Variants in ZSCAN2 observed in about 807,000 individuals in gnomAD.
The protein encoded by ZSCAN2 is zinc finger and SCAN domain containing 2, also known as zinc finger and SCAN domain-containing protein 2.
ZSCAN2 carries 26 observed loss-of-function variants against 47.8 expected under a neutral mutation model. The observed-to-expected ratio is 0.54, with a 90% CI of 0.40 to 0.75. ZSCAN2 has a LOEUF of 0.75. Ranked by LOEUF, ZSCAN2 falls within the 30% of genes least tolerant of loss-of-function variation. The pLI is 0.00. For missense variants in ZSCAN2, 732 were observed against 785.4 expected (o/e 0.93, Z 0.81); for synonymous variants, 305 against 288.7 (o/e 1.06, Z -0.57).
In ZSCAN2 at chr15:84,621,792, C is replaced by T. The variant is rs1345773524; in HGVS notation, c.1597C>T (p.Leu533Phe). Reference protein sequence around the residue: ...THTGEKPYKCLMCGKSFSRGS... With the variant: ...THTGEKPYKCFMCGKSFSRGS... ...CACGGGCGAGAAGCCCTACAAATGC[C>T]TCATGTGCGGCAAGAGCTTCAGCCG... Residue 533 changes from leucine to phenylalanine, a missense_variant, in exon 3 of 3, where the codon CTC (leucine) becomes TTC (phenylalanine). Physicochemically the swap from Leu to Phe is conservative, Grantham distance 22 (BLOSUM62 0). Around this residue, in one of 2 missense-constraint regions of ZSCAN2, gnomAD observed 412 missense variants for 498.0 expected, o/e 0.83. Coordinates refer to ENST00000546148, the MANE Select transcript of ZSCAN2 (RefSeq NM_181877.4). This position sits in a 1 kb window ranked among gnomAD's most constrained non-coding sequence, Gnocchi z 5.7. 2 of 1,614,114 alleles carry T rather than the reference C, an allele frequency of 1.2e-6. No individual in the cohort carries two copies. Among genetic ancestry groups the T allele is most frequent in the East Asian group, 4.5e-5 (2 of 44,898 alleles).
In ZSCAN2 at chr15:84,622,749, A is replaced by G. The variant is rs1293929031; in HGVS notation, c.*709A>G. Reference sequence around the variant, plus strand: ...GGACAGGGCCTTCAGGAAAGGGGTAAACCGAGGACATTTCAGTGCTTGCTT... The same window carrying G: ...GGACAGGGCCTTCAGGAAAGGGGTAGACCGAGGACATTTCAGTGCTTGCTT... On this transcript the variant is annotated 3_prime_UTR_variant, in exon 3 of 3. Coordinates refer to ENST00000546148, the MANE Select transcript of ZSCAN2 (RefSeq NM_181877.4). The G allele has an allele frequency of 5.6e-6, 4 of 709,638 alleles. No individual in the cohort carries two copies. The highest frequency in any genetic ancestry group is 4.1e-5 in the Admixed American group (2 of 48,490). The allele number at this position is 709,638 out of a possible 1,614,324, so 44.0% of individuals were successfully genotyped here.
chr15:84,618,092 T>C (rs1229971382), intron 2 of ZSCAN2, among the ~76,000 whole-genome samples: 2 of 152,164 alleles, frequency 1.3e-5, no homozygotes, highest in Non-Finnish European at 2.9e-5. Flanking sequence ...GCATCTAACC[T>C]TAAATAAAGT....
At position 84,622,606 on chromosome 15, in the gene ZSCAN2, G is replaced by C. The variant is rs1208002580; in HGVS notation, c.*566G>C. The C allele has an allele frequency of 1.4e-6, 1 of 717,438 alleles. No individual in the cohort carries two copies. Among genetic ancestry groups the C allele is most frequent in the Admixed American group, 2.0e-5 (1 of 50,004 alleles). The allele number at this position is 717,438 out of a possible 1,614,324, so 44.4% of individuals were successfully genotyped here. ...AAGATGGAGGGGCTTCTCCAGTTCT[G>C]AGTCACCCACGTGAAGGTAAAGACC... On this transcript the variant is annotated 3_prime_UTR_variant, in exon 3 of 3. Coordinates refer to ENST00000546148, the MANE Select transcript of ZSCAN2 (RefSeq NM_181877.4).
At chr15:84,604,943 C>T (rs751183318) in intron 2 of ZSCAN2, among the ~76,000 whole-genome samples, 3 of 151,826 alleles carry the variant, frequency 2.0e-5, no homozygotes, top group Non-Finnish European at 2.9e-5. Flanking sequence ...TCACCATGTT[C>T]GCCAGACTGG....
Position 84,609,585 on chromosome 15 carries a change from T to C in ZSCAN2, c.406+5252T>C, listed in dbSNP as rs1895486073. On this transcript the variant is annotated intron_variant, in intron 2 of 2. Coordinates refer to ENST00000546148, the MANE Select transcript of ZSCAN2 (RefSeq NM_181877.4). Reference sequence around the variant, plus strand: ...ATACCTATGAAATGTTTAGCATTCATGTATTTCACCTGATAACAGTCCATT... The same window carrying C: ...ATACCTATGAAATGTTTAGCATTCACGTATTTCACCTGATAACAGTCCATT... Among the ~76,000 whole-genome samples, 2 of 152,232 alleles carry C rather than the reference T, an allele frequency of 1.3e-5. 1 individual carries two copies. Among genetic ancestry groups the C allele is most frequent in the South Asian group, 4.1e-4 (2 of 4,830 alleles).
rs199923418 is a variant in ZSCAN2 at position 84,604,100 on chromosome 15, A to T, written c.173A>T (p.Gln58Leu). 1.2e-6 allele frequency: 2 copies of T among 1,614,126 alleles called. No individual in the cohort carries two copies. Among genetic ancestry groups the T allele is most frequent in the Non-Finnish European group, 1.7e-6 (2 of 1,179,996 alleles). ...GGCCCTGAGTCTGAGCCCTTTCCCC[A>T]GAGTGCTGGCAAGGGCGGCCCCCAG... is the stretch of plus-strand genomic sequence containing the variant. The part of the protein sequence containing the change: ...EDGPESEPFP[Q>L]SAGKGGPQEE... Residue 58 changes from glutamine (Q) to leucine (L), a missense_variant, in exon 2 of 3, where the codon CAG becomes CTG. Physicochemically the swap from Gln to Leu is moderately radical, Grantham distance 113. Transcript: ENST00000546148.
intron 1 of ZSCAN2, among the ~76,000 whole-genome samples, chr15:84,602,642 G>A (rs988209009): frequency 1.4e-5 from 2 of 140,020 alleles, no homozygotes; most frequent in Non-Finnish European, 3.0e-5. Flanking sequence ...AGACTGGAGT[G>A]CAGTGGCACG....
intron 2 of ZSCAN2, among the ~76,000 whole-genome samples, chr15:84,610,306 G>A (rs539772910): frequency 2.6e-5 from 4 of 152,268 alleles, no homozygotes; most frequent in African/African-American, 9.6e-5. Context: ...GTAATAGACA[G>A]GATCTGAAAT....
chr15:84,613,674 CTTTCTT>C (rs1018831041), intron 2 of ZSCAN2, among the ~76,000 whole-genome samples: 4 of 73,082 alleles, frequency 5.5e-5, no homozygotes, highest in African/African-American at 2.7e-4. Flanking sequence ...AGTCAGTAAT[CTTTCTT>C]TTTTTTTTTT....
At chr15:84,606,540 G>C in intron 2 of ZSCAN2, 3 of 1,613,740 alleles carry the variant, frequency 1.9e-6, no homozygotes, top group Non-Finnish European at 2.5e-6. Flanking sequence ...TGTAGCTGTC[G>C]TTGCTTCCCT....
chr15:84,618,098 A>G (rs1895736102), intron 2 of ZSCAN2, among the ~76,000 whole-genome samples: 1 of 152,174 alleles, frequency 6.6e-6, no homozygotes, highest in Non-Finnish European at 1.5e-5. Context: ...AACCTTAAAT[A>G]AAGTTTTTTA....
rs1895849450 is a variant in ZSCAN2 at position 84,623,112 on chromosome 15, G to A, written c.*1072G>A. 1 of 161,690 alleles carries A rather than the reference G, an allele frequency of 6.2e-6. No homozygotes were observed. Among genetic ancestry groups the A allele is most frequent in the Admixed American group, 6.5e-5 (1 of 15,300 alleles). The allele number at this position is 161,690 out of a possible 1,614,324, so 10.0% of individuals were successfully genotyped here. A position where few individuals can be genotyped will look rare whatever the true frequency, so the allele number is the denominator to read the frequency against. On this transcript the variant is annotated 3_prime_UTR_variant, in exon 3 of 3. Coordinates refer to ENST00000546148, the MANE Select transcript of ZSCAN2 (RefSeq NM_181877.4). ...TATTATTATTATTATTTTTGAGACG[G>A]AGTCTCACTCTGTCACCCAGGCTGG...
chr15:84,604,397 T>G (rs538262997), intron 2 of ZSCAN2, 64 bp downstream of exon 2: 2 of 1,528,084 alleles, frequency 1.3e-6, no homozygotes, highest in Admixed American at 2.0e-5. Flanking sequence ...GAGTGTGGTG[T>G]TTCGGAGGAG....
In ZSCAN2 at chr15:84,622,871, C is replaced by T; in HGVS notation, c.*831C>T. 1 of 588,574 alleles carries T rather than the reference C, an allele frequency of 1.7e-6. No homozygotes were observed. Among genetic ancestry groups the T allele is most frequent in the African/African-American group, 1.9e-5 (1 of 52,956 alleles). 36.5% of individuals were successfully genotyped at this position (588,574 alleles called of 1,614,324 possible). The stretch of plus-strand genomic sequence containing the variant: ...TGGAGAGTGTAGTGAAGTCCGAGAG[C>T]CCTAGCTGCCAACCCATGGTGGATG... On this transcript the variant is annotated 3_prime_UTR_variant, in exon 3 of 3. Coordinates refer to ENST00000546148, the MANE Select transcript of ZSCAN2 (RefSeq NM_181877.4).
chr15:84,604,738 CTTTTTTT>C (rs11459006), intron 2 of ZSCAN2, among the ~76,000 whole-genome samples: 101 of 129,008 alleles, frequency 7.8e-4, no homozygotes, highest in Middle Eastern at 4.0e-3. Flanking sequence ...TTTCTTTTTT[CTTTTTTT>C]TTTTTTTTTT....
chr15:84,615,435 A>G (rs1030514284), intron 2 of ZSCAN2, among the ~76,000 whole-genome samples: 15 of 152,150 alleles, frequency 9.9e-5, no homozygotes, highest in African/African-American at 9.7e-5. Context: ...GCCTCAAGCA[A>G]TCGTCCTGCC....
chr15:84,620,173 T>C (rs1461562463), intron 2 of ZSCAN2, among the ~76,000 whole-genome samples: 1 of 152,156 alleles, frequency 6.6e-6, no homozygotes, highest in East Asian at 1.9e-4. Context: ...AGCTCCTGCT[T>C]ATAAGAGAAA....
chr15:84,606,030 A>G (rs1222131211), intron 2 of ZSCAN2, among the ~76,000 whole-genome samples: 15 of 152,228 alleles, frequency 9.9e-5, no homozygotes, highest in Admixed American at 9.8e-4. Context: ...GCGTTGTCAT[A>G]TGTATGATTC....
At position 84,614,035 on chromosome 15, in the gene ZSCAN2, G is replaced by A. The variant is rs1365583662; in HGVS notation, c.407-6567G>A. Among the ~76,000 whole-genome samples, 3 of 120,280 alleles carry A rather than the reference G, an allele frequency of 2.5e-5. No homozygotes were observed. In the Admixed American group the frequency reaches 3.3e-4, roughly 13 times the overall value. The allele number at this position is 120,280 out of a possible 152,430, so 78.9% of individuals were successfully genotyped here. On this transcript the variant is annotated intron_variant, in intron 2 of 2. Coordinates refer to ENST00000546148, the MANE Select transcript of ZSCAN2 (RefSeq NM_181877.4). ...AGACAGAGTCTCACTCTGTCACCCA[G>A]GCTGGAATGCAGTAGCATGATCATA... is the stretch of plus-strand genomic sequence containing the variant.
Sources: gnomAD v4.1 joint callset for allele counts (sites outside exome capture counted in the v4.1 genomes callset) on GRCh38, gnomAD v4.1.1 for gene constraint, gnomAD v4.1.1 regional missense constraint, Gnocchi (gnomAD v3.1) non-coding constraint, MANE v1.5 for transcripts, NCBI Gene and HGNC (gene_info 2026-07-23, HGNC 2026-07-21) for gene names.